SUGCT: variants seen among roughly 807,000 people sequenced by gnomAD.
SUGCT encodes the protein succinyl-CoA:glutarate CoA-transferase.
SUGCT carries 41 observed loss-of-function variants against 55.0 expected under a neutral mutation model. The observed-to-expected ratio is 0.74, with a 90% CI of 0.58 to 0.97. The LOEUF is 0.97. SUGCT is among the 50% of genes least tolerant of loss of function. The pLI is 0.00. For synonymous variants in SUGCT, 187 were observed against 200.4 expected (o/e 0.93, Z 0.56); for missense variants, 568 against 547.8 (o/e 1.04, Z -0.37).
the SUGCT span, among the ~76,000 whole-genome samples, chr7:40,952,268 A>G: frequency 6.6e-6 from 1 of 152,116 alleles, no homozygotes; most frequent in African/African-American, 2.4e-5. Flanking sequence ...TGAGACTAGG[A>G]ATGCAACCCC....
At chr7:40,206,442 T>A (rs1562576474) in intron 6 of SUGCT, among the ~76,000 whole-genome samples, 1 of 152,208 alleles carries the variant, frequency 6.6e-6, no homozygotes, top group African/African-American at 2.4e-5. Context: ...TAGGTAATAG[T>A]TTGAACCTGG....
intron 7 of SUGCT, among the ~76,000 whole-genome samples, chr7:40,248,262 GA>G (rs1562610629): frequency 6.6e-6 from 1 of 151,962 alleles, no homozygotes; most frequent in Non-Finnish European, 1.5e-5. Context: ...CTGCCCATCT[GA>G]GCCTCCCAAA....
intron 8 of SUGCT, among the ~76,000 whole-genome samples, chr7:40,280,866 G>A (rs1183585605): frequency 6.6e-6 from 1 of 152,054 alleles, no homozygotes; most frequent in African/African-American, 2.4e-5. Context: ...ATGAGTACCC[G>A]TATTGTTACT....
At chr7:40,553,387 C>T (rs1437680560) in intron 12 of SUGCT, among the ~76,000 whole-genome samples, 1 of 152,140 alleles carries the variant, frequency 6.6e-6, no homozygotes, top group African/African-American at 2.4e-5. Context: ...AGAGTTGTAT[C>T]ATACAGAATA....
chr7:40,836,422 A>G (rs896535177), intron 13 of SUGCT, among the ~76,000 whole-genome samples: 2 of 152,216 alleles, frequency 1.3e-5, no homozygotes, highest in African/African-American at 4.8e-5. Context: ...TGTCAGTGAT[A>G]CAGTTGACTG....
intron 12 of SUGCT, among the ~76,000 whole-genome samples, chr7:40,515,659 A>G (rs1793192611): frequency 6.6e-6 from 1 of 152,164 alleles, no homozygotes; most frequent in Non-Finnish European, 1.5e-5. Flanking sequence ...TCATTCCTTT[A>G]TATGGCTGAA....
At chr7:40,631,838 T>G (rs1799802871) in intron 12 of SUGCT, among the ~76,000 whole-genome samples, 1 of 152,234 alleles carries the variant, frequency 6.6e-6, no homozygotes, top group Non-Finnish European at 1.5e-5. Flanking sequence ...CCCGTGGTCA[T>G]GAACAGGCTC....
intron 8 of SUGCT, among the ~76,000 whole-genome samples, chr7:40,287,209 C>T (rs1793409519): frequency 6.6e-6 from 1 of 152,098 alleles, no homozygotes; most frequent in Non-Finnish European, 1.5e-5. Flanking sequence ...TTTAATCTTA[C>T]AACCTTGCTG....
intron 9 of SUGCT, among the ~76,000 whole-genome samples, chr7:40,365,801 G>A (rs1264356868): frequency 2.0e-5 from 3 of 152,230 alleles, no homozygotes; most frequent in Non-Finnish European, 4.4e-5. Context: ...ATGCTCATGA[G>A]TAGGCAGAAT....
intron 9 of SUGCT, among the ~76,000 whole-genome samples, chr7:40,332,814 T>G (rs1030981092): frequency 6.6e-6 from 1 of 152,102 alleles, no homozygotes; most frequent in South Asian, 2.1e-4. Flanking sequence ...AGAAAGTTGA[T>G]AAGTGCAGAG....
intron 5 of SUGCT, among the ~76,000 whole-genome samples, chr7:40,190,046 C>T (rs1785796389): frequency 7.9e-5 from 12 of 152,156 alleles, no homozygotes; most frequent in Admixed American, 7.9e-4. Flanking sequence ...CTAACCCTTA[C>T]TCAGATGACC....
At chr7:40,869,857 A>G in the SUGCT span, among the ~76,000 whole-genome samples, 1 of 152,184 alleles carries the variant, frequency 6.6e-6, no homozygotes, top group Non-Finnish European at 1.5e-5. Flanking sequence ...TCATTATTAG[A>G]TCAGGATTAT....
intron 12 of SUGCT, among the ~76,000 whole-genome samples, chr7:40,645,281 A>G (rs1022778471): frequency 1.3e-5 from 2 of 152,094 alleles, no homozygotes; most frequent in African/African-American, 4.8e-5. Context: ...TGTTCTAGAG[A>G]GCAAGTGAGA....
At position 40,210,001 on chromosome 7, in the gene SUGCT, C is replaced by T. The variant is rs74877052; in HGVS notation, c.484+14941C>T. 2.6e-3 allele frequency among the ~76,000 whole-genome samples: 391 copies of T among 152,260 alleles called. 1 individual carries two copies. The highest frequency in any genetic ancestry group is 9.1e-3 in the African/African-American group (377 of 41,550). On this transcript the variant is annotated intron_variant, in intron 6 of 13. Transcript: ENST00000335693. Reference sequence around the variant, plus strand: ...GACAAATCTTCACCTTAGTTAGATGCATCCAGAATCTGACATGTTCTCTTA... The same window carrying T: ...GACAAATCTTCACCTTAGTTAGATGTATCCAGAATCTGACATGTTCTCTTA...
chr7:40,371,718 C>T (rs1337240288), intron 9 of SUGCT, among the ~76,000 whole-genome samples: 3 of 106,548 alleles, frequency 2.8e-5, no homozygotes, highest in Non-Finnish European at 6.3e-5. Context: ...GTATTGTTTC[C>T]TTATTGTCTT....
chr7:40,741,228 C>A (rs1468676725), intron 12 of SUGCT, among the ~76,000 whole-genome samples: 1 of 151,212 alleles, frequency 6.6e-6, no homozygotes, highest in Non-Finnish European at 1.5e-5. Context: ...GCCGAGATCA[C>A]GCCACTGCAC....
At chr7:40,580,428 A>T (rs1249967172) in intron 12 of SUGCT, among the ~76,000 whole-genome samples, 7 of 152,306 alleles carry the variant, frequency 4.6e-5, no homozygotes, top group Admixed American at 4.6e-4. Flanking sequence ...GTGCTAGAAG[A>T]CTTGTAGCTT....
intron 12 of SUGCT, among the ~76,000 whole-genome samples, chr7:40,719,998 C>G (rs887916668): frequency 3.3e-5 from 5 of 152,088 alleles, no homozygotes; most frequent in African/African-American, 9.7e-5. Context: ...GTTGGCCAGG[C>G]TGGTCTCGAT....
chr7:40,144,477 A>G (rs57515201), intron 1 of SUGCT, among the ~76,000 whole-genome samples: 5,643 of 150,306 alleles, frequency 0.038, 341 homozygotes, highest in African/African-American at 0.13. Context: ...TCCCTTTCCC[A>G]CTGTAAGAAC....
Sources: gnomAD v4.1 joint callset for allele counts (sites outside exome capture counted in the v4.1 genomes callset) on GRCh38, gnomAD v4.1.1 for gene constraint, MANE v1.5 for transcripts, NCBI Gene and HGNC (gene_info 2026-07-23, HGNC 2026-07-21) for gene names.